Variants in PAK5 observed in about 807,000 individuals in gnomAD.
PAK5 encodes p21 (RAC1) activated kinase 5.
Under a neutral mutation model 65.9 loss-of-function variants are expected in PAK5, and 16 were observed. The observed-to-expected ratio is 0.24, with a 90% confidence interval of 0.16 to 0.37. The LOEUF is 0.37. Ranked by LOEUF, PAK5 falls within the 10% of genes least tolerant of loss-of-function variation. The pLI is 1.00. For synonymous variants in PAK5, 371 were observed against 354.9 expected (o/e 1.05, Z -0.51); for missense variants, 785 against 903.9 (o/e 0.87, Z 1.69).
At chr20:9,677,838 G>A (rs567201708) in intron 2 of PAK5, among the ~76,000 whole-genome samples, 41 of 152,252 alleles carry the variant, frequency 2.7e-4, no homozygotes, top group African/African-American at 7.5e-4. Context: ...TTGAAATACC[G>A]TTTATGCTCA....
chr20:9,658,617 TTAGG>T (rs1347767107), intron 2 of PAK5, among the ~76,000 whole-genome samples: 164 of 152,248 alleles, frequency 1.1e-3, no homozygotes, highest in African/African-American at 3.6e-3. Flanking sequence ...ACATAGAGAA[TTAGG>T]ATTATGTTTG....
chr20:9,823,285 T>C (rs983528915), intron 1 of PAK5, among the ~76,000 whole-genome samples: 1 of 152,172 alleles, frequency 6.6e-6, no homozygotes, highest in South Asian at 2.1e-4. Flanking sequence ...TCTAGAACTA[T>C]GAGAAATAAA....
intron 3 of PAK5, among the ~76,000 whole-genome samples, chr20:9,642,489 T>C (rs1480826029): frequency 6.6e-6 from 1 of 152,198 alleles, no homozygotes; most frequent in Non-Finnish European, 1.5e-5. Context: ...TGGTGATAAA[T>C]AGTAGAAGAC....
intron 3 of PAK5, among the ~76,000 whole-genome samples, chr20:9,585,634 T>C (rs190411582): frequency 2.0e-5 from 3 of 152,332 alleles, no homozygotes; most frequent in East Asian, 3.9e-4. Flanking sequence ...TCATTCTTTA[T>C]TTCATTACCT....
chr20:9,798,074 G>C (rs1394418071), intron 1 of PAK5, among the ~76,000 whole-genome samples: 1 of 152,134 alleles, frequency 6.6e-6, no homozygotes. Flanking sequence ...AACTCTGTTA[G>C]ACTGAGGGGT....
intron 1 of PAK5, among the ~76,000 whole-genome samples, chr20:9,799,892 G>A: frequency 8.6e-6 from 1 of 116,238 alleles, no homozygotes. Context: ...TGTGAGCCAA[G>A]ACCACACCAC....
At position 9,798,204 on chromosome 20, in the gene PAK5, A is replaced by C. The variant is rs73898604; in HGVS notation, c.-162+40558T>G. On this transcript the variant is annotated intron_variant, in intron 1 of 9. Coordinates refer to ENST00000353224, the MANE Select transcript of PAK5 (RefSeq NM_177990.4). ...GAAGACAATTCTTAGGAGAAGTTTG[A>C]CTTTGCAAGGTTGCAGAAAAAGTAG... Among the ~76,000 whole-genome samples, 895 of 152,210 alleles carry C rather than the reference A, an allele frequency of 5.9e-3. 11 individuals are homozygous for C. The highest frequency in any genetic ancestry group is 0.021 in the African/African-American group (855 of 41,554).
intron 3 of PAK5, among the ~76,000 whole-genome samples, chr20:9,633,330 G>A (rs1378647427): frequency 6.6e-6 from 1 of 152,022 alleles, no homozygotes; most frequent in Non-Finnish European, 1.5e-5. Context: ...ATGAAAAATT[G>A]AGTTTATTTA....
At chr20:9,790,371 T>G (rs896816083) in intron 1 of PAK5, among the ~76,000 whole-genome samples, 1 of 151,468 alleles carries the variant, frequency 6.6e-6, no homozygotes, top group Non-Finnish European at 1.5e-5. Context: ...AGATAACACA[T>G]GAAAAGAGGA....
At chr20:9,564,277 T>G (rs2122984066) in intron 5 of PAK5, among the ~76,000 whole-genome samples, 1 of 152,302 alleles carries the variant, frequency 6.6e-6, no homozygotes, top group East Asian at 1.9e-4. Flanking sequence ...GTGATAAGTT[T>G]AAAAGGTAAA....
chr20:9,731,854 C>A (rs1257899748), intron 1 of PAK5, among the ~76,000 whole-genome samples: 1 of 151,976 alleles, frequency 6.6e-6, no homozygotes, highest in Non-Finnish European at 1.5e-5. Context: ...AAATCCCAAG[C>A]AAATAATAAA....
chr20:9,721,921 C>T (rs550222381), intron 1 of PAK5, among the ~76,000 whole-genome samples: 1 of 152,194 alleles, frequency 6.6e-6, no homozygotes, highest in Middle Eastern at 3.4e-3. Flanking sequence ...TGTCACTTCT[C>T]CCATATATCA....
intron 2 of PAK5, among the ~76,000 whole-genome samples, chr20:9,701,602 G>T (rs1374816159): frequency 6.6e-6 from 1 of 152,202 alleles, no homozygotes; most frequent in African/African-American, 2.4e-5. Context: ...TTTCAGGCAA[G>T]TAGAGAGACA....
chr20:9,603,906 C>A (rs918738538), intron 3 of PAK5, among the ~76,000 whole-genome samples: 7 of 152,186 alleles, frequency 4.6e-5, no homozygotes, highest in African/African-American at 1.4e-4. Context: ...CTGCTACATT[C>A]ACATTGCTAA....
chr20:9,631,795 GC>G (rs1217676623), intron 3 of PAK5, among the ~76,000 whole-genome samples: 1 of 152,200 alleles, frequency 6.6e-6, no homozygotes, highest in Non-Finnish European at 1.5e-5. Flanking sequence ...ATCTTAGGCA[GC>G]CATTAACCTT....
At chr20:9,604,737 C>T (rs1470428798) in intron 3 of PAK5, among the ~76,000 whole-genome samples, 1 of 152,174 alleles carries the variant, frequency 6.6e-6, no homozygotes, top group African/African-American at 2.4e-5. Flanking sequence ...ACCTCTTTCT[C>T]CTCCCTCTTT....
intron 2 of PAK5, among the ~76,000 whole-genome samples, chr20:9,671,089 T>A (rs980632716): frequency 2.6e-5 from 4 of 152,182 alleles, no homozygotes; most frequent in African/African-American, 9.7e-5. Flanking sequence ...GTTGTAGATA[T>A]GCGGCATTAT....
At chr20:9,675,739 C>T (rs558446894) in intron 2 of PAK5, among the ~76,000 whole-genome samples, 2 of 152,278 alleles carry the variant, frequency 1.3e-5, no homozygotes, top group African/African-American at 4.8e-5. Flanking sequence ...GAGAGGAAGG[C>T]ATGTTTCTAA....
intron 1 of PAK5, among the ~76,000 whole-genome samples, chr20:9,738,235 C>A (rs80227769): frequency 0.5 from 75,448 of 151,124 alleles, 18,861 homozygotes; most frequent in South Asian, 0.63. Context: ...AATTGTATAA[C>A]CCACTTTGGA....
Sources: allele counts gnomAD v4.1 joint callset (sites outside exome capture counted in the v4.1 genomes callset), GRCh38; gene constraint gnomAD v4.1.1; transcripts MANE v1.5; gene names NCBI Gene and HGNC (gene_info 2026-07-23, HGNC 2026-07-21).